Variants in PINX1 observed in about 807,000 individuals in gnomAD.
The protein encoded by PINX1 is PIN2 (TERF1) interacting telomerase inhibitor 1.
A neutral mutation model predicts 25.4 loss-of-function variants in PINX1; 34 were observed. That is an observed-to-expected ratio of 1.34 (90% CI 1.02 to 1.78). PINX1 has a LOEUF of 1.78. Among genes scored for constraint, PINX1 ranks in the 40% most tolerant of loss-of-function variants. The pLI is 0.00. For missense variants in PINX1, 592 were observed against 404.9 expected, an observed-to-expected ratio of 1.46 and a Z score of -3.97; for synonymous variants, 197 against 147.7, an observed-to-expected ratio of 1.33 and a Z score of -2.42.
chr8:10,781,637 TATC>T (rs1225829065), intron 6 of PINX1, among the ~76,000 whole-genome samples: 1 of 152,116 alleles, frequency 6.6e-6, no homozygotes, highest in Non-Finnish European at 1.5e-5. Flanking sequence ...CATCATGAGA[TATC>T]ATCCCACACC....
At chr8:10,825,375 C>A (rs921009603) in intron 5 of PINX1, 1 of 534,806 alleles carries the variant, frequency 1.9e-6, no homozygotes. Context: ...CTAGATATTA[C>A]AGCATCAGCA....
chr8:10,834,125 G>A lies in PINX1; in HGVS notation c.129+541C>T, dbSNP rs116189817. ...GGGGCCTGAGGTTGAGCCTCAAGGA[G>A]CCCTAATAATCAAAAGTCTATAGAA... On this transcript the variant is annotated intron_variant, in intron 2 of 6. Coordinates refer to ENST00000314787, the MANE Select transcript of PINX1 (RefSeq NM_017884.6). Among the ~76,000 whole-genome samples the A allele has an allele frequency of 5.5e-3, 838 of 152,252 alleles. 5 individuals carry two copies. Among genetic ancestry groups the A allele is most frequent in the African/African-American group, 0.019 (792 of 41,536 alleles).
intron 6 of PINX1, among the ~76,000 whole-genome samples, chr8:10,783,120 T>C (rs563841346): frequency 6.6e-6 from 1 of 152,328 alleles, no homozygotes; most frequent in South Asian, 2.1e-4. Flanking sequence ...CTTATTTGAA[T>C]CTTAATTCCA....
At chr8:10,768,840 A>G (rs1160938774) in intron 6 of PINX1, among the ~76,000 whole-genome samples, 2 of 152,258 alleles carry the variant, frequency 1.3e-5, no homozygotes, top group African/African-American at 4.8e-5. Context: ...ACATAAAAAT[A>G]GATACATCTT....
At chr8:10,768,706 A>C (rs1801134023) in intron 6 of PINX1, among the ~76,000 whole-genome samples, 1 of 152,206 alleles carries the variant, frequency 6.6e-6, no homozygotes, top group Non-Finnish European at 1.5e-5. Context: ...CAAAGGAAAA[A>C]TACATTGAAA....
At chr8:10,827,134 T>G (rs1798077480) in intron 4 of PINX1, among the ~76,000 whole-genome samples, 1 of 152,230 alleles carries the variant, frequency 6.6e-6, no homozygotes, top group Non-Finnish European at 1.5e-5. Flanking sequence ...CGTTCAGGAC[T>G]CTCTGAATTA....
intron 5 of PINX1, among the ~76,000 whole-genome samples, chr8:10,823,618 A>C (rs115871379): frequency 0.014 from 2,081 of 152,330 alleles, 43 homozygotes; most frequent in African/African-American, 0.048. Flanking sequence ...AGCTCAAGTT[A>C]GAATTATAAA....
chr8:10,768,397 C>G (rs1801124808), intron 6 of PINX1, among the ~76,000 whole-genome samples: 1 of 152,178 alleles, frequency 6.6e-6, no homozygotes, highest in Non-Finnish European at 1.5e-5. Flanking sequence ...TTTTTATTAT[C>G]AGGAAATACA....
intron 6 of PINX1, among the ~76,000 whole-genome samples, chr8:10,770,170 T>C (rs1801179711): frequency 6.6e-6 from 1 of 152,250 alleles, no homozygotes. Flanking sequence ...CTTGGGCAGA[T>C]GCTGGACAGC....
At chr8:10,773,541 T>C (rs992852237) in intron 6 of PINX1, among the ~76,000 whole-genome samples, 7 of 152,262 alleles carry the variant, frequency 4.6e-5, no homozygotes, top group African/African-American at 1.7e-4. Flanking sequence ...GAGAAGATAA[T>C]ACGAACTAGA....
chr8:10,765,257 G>C lies in PINX1; in HGVS notation c.*144C>G. 6.0e-6 allele frequency: 4 copies of C among 666,586 alleles called. No individual in the cohort carries two copies. In the East Asian group the frequency reaches 8.4e-5, roughly 14 times the overall value. 41.3% of individuals were successfully genotyped at this position (666,586 alleles called of 1,614,324 possible). ...GTAACTTGGGGGAAATGTGGCGAGA[G>C]GGCAGGACTCGGCAGCCCATGGGCA... On this transcript the variant is annotated 3_prime_UTR_variant, in exon 7 of 7. Transcript: ENST00000314787.
intron 5 of PINX1, among the ~76,000 whole-genome samples, chr8:10,820,782 T>C (rs1220195296): frequency 1.3e-5 from 2 of 152,134 alleles, no homozygotes; most frequent in Admixed American, 6.5e-5. Flanking sequence ...ACTCAACAAA[T>C]AAAAATTTTA....
chr8:10,811,989 C>G (rs1797538032), intron 6 of PINX1, among the ~76,000 whole-genome samples: 3 of 152,138 alleles, frequency 2.0e-5, no homozygotes, highest in Admixed American at 2.0e-4. Flanking sequence ...CTTTGGAAAA[C>G]AGAATCTGCT....
intron 6 of PINX1, among the ~76,000 whole-genome samples, chr8:10,779,019 G>C (rs1253841991): frequency 6.6e-6 from 1 of 152,196 alleles, no homozygotes; most frequent in South Asian, 2.1e-4. Context: ...TGATTGAAAT[G>C]GGAATGTCTG....
At chr8:10,771,765 G>A (rs1046023649) in intron 6 of PINX1, among the ~76,000 whole-genome samples, 2 of 152,204 alleles carry the variant, frequency 1.3e-5, no homozygotes, top group African/African-American at 4.8e-5. Flanking sequence ...AGGGTAAGAA[G>A]AGAATCAGCA....
chr8:10,791,859 C>T (rs1044146539), intron 6 of PINX1, among the ~76,000 whole-genome samples: 4 of 152,286 alleles, frequency 2.6e-5, no homozygotes, highest in South Asian at 2.1e-4. Flanking sequence ...TGCCTGGGAG[C>T]GGGGAGACAT....
rs373258754 is a variant in PINX1, at chr8:10,765,940, A to C, written c.472-24T>G. 36 of 1,606,750 alleles carry C rather than the reference A, an allele frequency of 2.2e-5. 1 individual carries two copies. In the African/African-American group the frequency reaches 4.3e-4, roughly 19 times the overall value. On this transcript the variant is annotated intron_variant, in intron 6 of 6. Transcript: ENST00000314787. Reference sequence around the variant, plus strand: ...CCCTATGGTGGGCAGAAGAGTTAAAAGGCAGGTAAGCATCAACTGTTCATC... The same window carrying C: ...CCCTATGGTGGGCAGAAGAGTTAAACGGCAGGTAAGCATCAACTGTTCATC...
chr8:10,819,750 A>C (rs1797807933), intron 6 of PINX1, among the ~76,000 whole-genome samples: 1 of 152,230 alleles, frequency 6.6e-6, no homozygotes, highest in East Asian at 1.9e-4. Context: ...GCGCTGTCTC[A>C]AATGCTGTTA....
At chr8:10,828,758 G>A (rs921211626) in intron 4 of PINX1, among the ~76,000 whole-genome samples, 3 of 152,208 alleles carry the variant, frequency 2.0e-5, no homozygotes, top group African/African-American at 7.2e-5. Context: ...CAATCTGGCC[G>A]TCCTTTCCCG....
Sources: allele counts gnomAD v4.1 joint callset (sites outside exome capture counted in the v4.1 genomes callset), GRCh38; gene constraint gnomAD v4.1.1; transcripts MANE v1.5; gene names NCBI Gene and HGNC (gene_info 2026-07-23, HGNC 2026-07-21).